Variants in SLK observed in about 807,000 individuals in gnomAD.
The protein encoded by SLK is STE20-like serine/threonine-protein kinase.
Under a neutral mutation model 147.7 loss-of-function variants are expected in SLK, and 67 were observed. The observed-to-expected ratio is 0.45, with a 90% CI of 0.37 to 0.56. The LOEUF (loss-of-function observed/expected upper bound fraction) is 0.56. Ranked by LOEUF, SLK falls within the 20% of genes least tolerant of loss-of-function variation. SLK has a pLI of 0.00. For synonymous variants in SLK, 441 were observed against 475.0 expected (o/e 0.93, Z 0.93); for missense variants, 1,136 against 1,438.8 (o/e 0.79, Z 3.41).
rs78743979 is a variant in SLK at position 103,983,526 on chromosome 10, C to G, written c.151-7149C>G. Reference sequence around the variant, plus strand: ...GACTGCAGATCACATTTCTGCCTTGCTAGCAGCTCATTTCTGTTTCAAAAG... The same window carrying G: ...GACTGCAGATCACATTTCTGCCTTGGTAGCAGCTCATTTCTGTTTCAAAAG... On this transcript the variant is annotated intron_variant, in intron 1 of 18. Coordinates refer to ENST00000369755, the MANE Select transcript of SLK (RefSeq NM_014720.4). Among the ~76,000 whole-genome samples the G allele has an allele frequency of 5.5e-3, 832 of 152,238 alleles. 13 individuals carry two copies. The highest frequency in any genetic ancestry group is 0.019 in the African/African-American group (795 of 41,528).
chr10:103,988,388 A>G (rs75436408), intron 1 of SLK, among the ~76,000 whole-genome samples: 1 of 152,186 alleles, frequency 6.6e-6, no homozygotes, highest in Non-Finnish European at 1.5e-5. Context: ...GATTATGCCT[A>G]GTGTTCCATT....
intron 13 of SLK, among the ~76,000 whole-genome samples, chr10:104,011,717 C>T (rs945064106): frequency 2.0e-5 from 3 of 151,986 alleles, no homozygotes; most frequent in African/African-American, 4.8e-5. Context: ...TGCACCACCA[C>T]GCCCAGCTAA....
At chr10:103,972,305 G>A (rs1037164761) in intron 1 of SLK, among the ~76,000 whole-genome samples, 2 of 152,200 alleles carry the variant, frequency 1.3e-5, no homozygotes, top group African/African-American at 4.8e-5. Flanking sequence ...AGGTTATAGG[G>A]TAGTGTATCT....
In SLK at chr10:103,990,684, A is replaced by G; in HGVS notation, c.160A>G (p.Lys54Glu). Reference protein sequence around the residue: ...AFGKVYKAQNKETSVLAAAKV... With the variant: ...AFGKVYKAQNEETSVLAAAKV... ...ATACTTTCATTTTCAGGCCCAGAATAAAGAGACCAGTGTTTTAGCTGCTGC... is the reference window on the plus strand; with the variant it reads ...ATACTTTCATTTTCAGGCCCAGAATGAAGAGACCAGTGTTTTAGCTGCTGC... Residue 54 changes from lysine to glutamate, a missense_variant, in exon 2 of 19, where the codon AAA becomes GAA. Coordinates refer to ENST00000369755, the MANE Select transcript of SLK (RefSeq NM_014720.4). The G allele has an allele frequency of 6.4e-7, 1 of 1,552,300 alleles. No homozygotes were observed. The highest frequency in any genetic ancestry group is 8.7e-7 in the Non-Finnish European group (1 of 1,154,594).
rs867173686 is a variant in SLK, at chr10:103,995,428, T to C, written c.514+2295T>C. On this transcript the variant is annotated intron_variant, in intron 4 of 18. Transcript: ENST00000369755. The stretch of plus-strand genomic sequence containing the variant: ...TTTTTTCTTTTCTTTCTTTTCTTTT[T>C]TTTTTTTTTTTTTTTTTGAGTCAAA... Among the ~76,000 whole-genome samples the C allele has an allele frequency of 5.5e-3, 779 of 142,630 alleles. 2 individuals are homozygous for C. The highest frequency in any genetic ancestry group is 0.018 in the Middle Eastern group (5 of 280). The allele number at this position is 142,630 out of a possible 152,430, so 93.6% of individuals were successfully genotyped here.
chr10:103,982,460 A>G (rs1843958967), intron 1 of SLK, among the ~76,000 whole-genome samples: 1 of 152,214 alleles, frequency 6.6e-6, no homozygotes, highest in Non-Finnish European at 1.5e-5. Flanking sequence ...CCTAACCAGA[A>G]CAATATAAAT....
rs536016599 is a variant in SLK, at chr10:104,028,971, C to T, written c.*3251C>T. 6.6e-6 allele frequency: 1 copy of T among 152,326 alleles called. No homozygotes were observed. The highest frequency in any genetic ancestry group is 1.5e-5 in the Non-Finnish European group (1 of 68,036). 9.4% of individuals were successfully genotyped at this position (152,326 alleles called of 1,614,324 possible). ...AAGTTGAAGGCACAACAGTTAATGG[C>T]TGTATTGTTGCTATTCCGTTGCTGA... On this transcript the variant is annotated 3_prime_UTR_variant, in exon 19 of 19. Transcript: ENST00000369755.
At position 104,006,956 on chromosome 10, in the gene SLK, A is replaced by C. The variant is rs183975142; in HGVS notation, c.2604+921A>C. ...TTTTTAAAAAGAAAACATCCATTACAAATAAGTAACTATACCTGTATTCAA... is the reference window on the plus strand; with the variant it reads ...TTTTTAAAAAGAAAACATCCATTACCAATAAGTAACTATACCTGTATTCAA... On this transcript the variant is annotated intron_variant, in intron 11 of 18. Transcript: ENST00000369755. 5.9e-5 allele frequency among the ~76,000 whole-genome samples: 9 copies of C among 152,282 alleles called. No homozygotes were observed. The East Asian group carries it at 1.7e-3, about 29-fold the overall frequency.
chr10:104,011,737 T>G (rs544466720), intron 13 of SLK, among the ~76,000 whole-genome samples: 17 of 152,172 alleles, frequency 1.1e-4, no homozygotes, highest in African/African-American at 4.1e-4. Flanking sequence ...ATATTTTGTA[T>G]TTTTAGTAGA....
intron 1 of SLK, among the ~76,000 whole-genome samples, chr10:103,982,528 C>T (rs1843959859): frequency 6.6e-6 from 1 of 152,218 alleles, no homozygotes; most frequent in East Asian, 1.9e-4. Context: ...ATATTTCTTT[C>T]TCTTTTGCAG....
chr10:104,003,330 G>A lies in SLK; in HGVS notation c.2152G>A (p.Asp718Asn). 1 of 1,613,970 alleles carries A rather than the reference G, an allele frequency of 6.2e-7. No homozygotes were observed. Among genetic ancestry groups the A allele is most frequent in the Non-Finnish European group, 8.5e-7 (1 of 1,179,874 alleles). ...AATACCCAGTATTAATATCAACTCT[G>A]ACAGTGGAGAAAATAAAGAAGAAAT... The part of the protein sequence containing the change: ...VLIPSININS[D>N]SGENKEEIGS... Residue 718 changes from aspartate (D) to asparagine (N), a missense_variant, in exon 9 of 19, where the codon GAC becomes AAC. Coordinates refer to ENST00000369755, the MANE Select transcript of SLK (RefSeq NM_014720.4).
intron 13 of SLK, among the ~76,000 whole-genome samples, chr10:104,013,559 T>A (rs1844425473): frequency 6.6e-6 from 1 of 152,224 alleles, no homozygotes; most frequent in Admixed American, 6.5e-5. Flanking sequence ...ATTTGTATAA[T>A]TATTCTTTTC....
intron 7 of SLK, among the ~76,000 whole-genome samples, chr10:104,000,661 C>T (rs1311059828): frequency 6.6e-6 from 1 of 152,076 alleles, no homozygotes; most frequent in Admixed American, 6.5e-5. Context: ...ATTTTAGAAC[C>T]ATGTCAAAAA....
chr10:103,990,937 CT>C, intron 2 of SLK, 98 bp downstream of exon 2: 1 of 627,432 alleles, frequency 1.6e-6, no homozygotes, highest in Non-Finnish European at 2.4e-6. Context: ...TGTCTTATCT[CT>C]TCTATTTAGT....
At chr10:103,978,368 T>C (rs1267761678) in intron 1 of SLK, among the ~76,000 whole-genome samples, 1 of 152,146 alleles carries the variant, frequency 6.6e-6, no homozygotes, top group Non-Finnish European at 1.5e-5. Flanking sequence ...TTAATTCTTA[T>C]TTTGCCAGTG....
At chr10:104,021,816 G>T (rs541593811) in intron 18 of SLK, 83 bp downstream of exon 18, 10 of 739,952 alleles carry the variant, frequency 1.4e-5, no homozygotes, top group Non-Finnish European at 2.0e-5. Flanking sequence ...ACTGTGTCAG[G>T]TACAGTGTCA....
At chr10:103,994,447 C>T (rs779190846) in intron 4 of SLK, among the ~76,000 whole-genome samples, 1 of 152,138 alleles carries the variant, frequency 6.6e-6, no homozygotes, top group East Asian at 1.9e-4. Flanking sequence ...TAAACTTGCT[C>T]ATATAAAACT....
intron 1 of SLK, among the ~76,000 whole-genome samples, chr10:103,982,429 C>T (rs2134455530): frequency 6.6e-6 from 1 of 152,030 alleles, no homozygotes; most frequent in South Asian, 2.1e-4. Context: ...TTTTGACTGA[C>T]CAGTGACTAA....
intron 13 of SLK, among the ~76,000 whole-genome samples, chr10:104,013,237 C>A (rs533670626): frequency 5.3e-5 from 8 of 152,284 alleles, no homozygotes; most frequent in African/African-American, 1.9e-4. Context: ...TCATTTAAGT[C>A]CAGTGGTTTT....
Sources: gnomAD v4.1 joint callset for allele counts (sites outside exome capture counted in the v4.1 genomes callset) on GRCh38, gnomAD v4.1.1 for gene constraint, MANE v1.5 for transcripts, NCBI Gene and HGNC (gene_info 2026-07-23, HGNC 2026-07-21) for gene names.